The following ATP2C1 variants were observed in gnomAD, a reference collection of about 807,000 sequenced individuals.
ATP2C1 encodes the protein calcium-transporting ATPase type 2C member 1.
In ATP2C1, 31 loss-of-function variants were observed where a neutral mutation model predicts 120.5. The observed-to-expected ratio is 0.26, with a 90% CI of 0.19 to 0.35. ATP2C1 has a LOEUF of 0.35. Ranked by LOEUF, ATP2C1 falls within the 10% of genes least tolerant of loss-of-function variation. The pLI is 1.00. For missense variants in ATP2C1, 731 were observed against 1,107.5 expected, an observed-to-expected ratio of 0.66 and a Z score of 4.83; for synonymous variants, 351 against 358.7, an observed-to-expected ratio of 0.98 and a Z score of 0.24.
chr3:130,868,121 G>C (rs1188722283), intron 1 of ATP2C1: 2 of 151,254 alleles, frequency 1.3e-5, no homozygotes, highest in African/African-American at 2.5e-5. Context: ...GAGGGAGGTG[G>C]GGGGGCTCAG....
intron 20 of ATP2C1, among the ~76,000 whole-genome samples, chr3:130,989,247 C>A (rs1186899871): frequency 9.0e-4 from 110 of 121,904 alleles, no homozygotes; most frequent in Middle Eastern, 0.01. Flanking sequence ...AAATCCATCT[C>A]AAAAAAAAAA....
intron 8 of ATP2C1, among the ~76,000 whole-genome samples, chr3:130,948,084 G>T (rs1411606213): frequency 1.3e-5 from 2 of 152,088 alleles, no homozygotes; most frequent in South Asian, 2.1e-4. Context: ...GCAAACACAG[G>T]AGTCACGAAC....
intron 2 of ATP2C1, among the ~76,000 whole-genome samples, chr3:130,924,048 G>A (rs1054444725): frequency 1.3e-5 from 2 of 151,834 alleles, no homozygotes; most frequent in Non-Finnish European, 2.9e-5. Context: ...TTTAAGTGGA[G>A]TATTTAGGCC....
At chr3:131,013,989 A>G (rs2063448647) in intron 26 of ATP2C1, 1 of 1,164,720 alleles carries the variant, frequency 8.6e-7, no homozygotes, top group Admixed American at 2.4e-5. Flanking sequence ...AATTGTTTCA[A>G]GGGTGGTAAC....
chr3:130,940,905 A>ATTTTTTTTTTTT lies in ATP2C1; in HGVS notation c.422+231_422+242dup, dbSNP rs749879416. On this transcript the variant is annotated intron_variant, in intron 7 of 27. Transcript: ENST00000510168. ...CTAGAGACATGGATGTATTTAACAG[A>ATTTTTTTTTTTT]TTTTTTTTTTTTTTTTTTTTTTTTT... 3.5e-5 allele frequency among the ~76,000 whole-genome samples: 3 copies of ATTTTTTTTTTTT among 86,114 alleles called. 1 individual carries two copies. Among genetic ancestry groups the ATTTTTTTTTTTT allele is most frequent in the Non-Finnish European group, 6.7e-5 (3 of 45,036 alleles). 56.5% of individuals were successfully genotyped at this position (86,114 alleles called of 152,430 possible).
In ATP2C1 at chr3:130,911,638, G is replaced by C. The variant is rs567900577; in HGVS notation, c.6+16863G>C. Among the ~76,000 whole-genome samples the C allele has an allele frequency of 1.9e-3, 292 of 152,218 alleles. 1 individual carries two copies. Among genetic ancestry groups the C allele is most frequent in the Non-Finnish European group, 3.5e-3 (236 of 68,020 alleles). ...AATGGAAGAACATTCCATGCTCATG[G>C]GTAGGAAGAATCAATATTGTGAAAA... On this transcript the variant is annotated intron_variant, in intron 2 of 27. Transcript: ENST00000510168.
chr3:130,977,941 G>A (rs1252745924), intron 18 of ATP2C1, among the ~76,000 whole-genome samples: 1 of 152,040 alleles, frequency 6.6e-6, no homozygotes, highest in African/African-American at 2.4e-5. Flanking sequence ...TATGTCAGGG[G>A]CTCTCCACAT....
At chr3:130,948,957 C>T (rs915298980) in intron 8 of ATP2C1, among the ~76,000 whole-genome samples, 5 of 152,044 alleles carry the variant, frequency 3.3e-5, no homozygotes, top group South Asian at 2.1e-4. Flanking sequence ...GTAAATGTTG[C>T]GTGTTTTCTA....
chr3:130,905,716 T>G (rs2058089896), intron 2 of ATP2C1, among the ~76,000 whole-genome samples: 1 of 152,112 alleles, frequency 6.6e-6, no homozygotes, highest in Non-Finnish European at 1.5e-5. Context: ...ACAGTATCCC[T>G]CTCCCATTTA....
exon 1 of ATP2C1, chr3:130,850,880 A>C (rs1328588399): frequency 6.3e-6 from 9 of 1,429,014 alleles, no homozygotes; most frequent in Admixed American, 2.7e-5. Flanking sequence ...CTCTCCATGC[A>C]ATTAGGAGAT....
chr3:130,853,632 A>G (rs1166131990), intron 1 of ATP2C1, among the ~76,000 whole-genome samples: 1 of 152,240 alleles, frequency 6.6e-6, no homozygotes, highest in African/African-American at 2.4e-5. Flanking sequence ...AAATGGGCTC[A>G]GTGAAAAGCT....
chr3:130,888,105 A>G (rs2069039695), intron 1 of ATP2C1, among the ~76,000 whole-genome samples: 1 of 152,164 alleles, frequency 6.6e-6, no homozygotes, highest in Non-Finnish European at 1.5e-5. Context: ...CTTTTGGCCC[A>G]TGGTGTGTCT....
intron 8 of ATP2C1, among the ~76,000 whole-genome samples, chr3:130,948,595 A>G (rs747913205): frequency 6.6e-6 from 1 of 152,022 alleles, no homozygotes; most frequent in Non-Finnish European, 1.5e-5. Flanking sequence ...AAGTTGGGGA[A>G]GTTTTCAGCC....
rs114882047 is a variant in ATP2C1, at chr3:130,967,870, G to A, written c.1308+451G>A. On this transcript the variant is annotated intron_variant, in intron 16 of 27. Transcript: ENST00000510168. ...CTCTCCTTTGTTAATTTCTCAAAAT[G>A]ATTGTGAAGTTATAATTTGTTTTGG... Among the ~76,000 whole-genome samples, 1,257 of 152,212 alleles carry A rather than the reference G, an allele frequency of 8.3e-3. 16 individuals carry two copies. Among genetic ancestry groups the A allele is most frequent in the African/African-American group, 0.029 (1,193 of 41,528 alleles).
chr3:130,864,982 A>C (rs1175920236), intron 1 of ATP2C1, among the ~76,000 whole-genome samples: 1 of 151,984 alleles, frequency 6.6e-6, no homozygotes, highest in Non-Finnish European at 1.5e-5. Context: ...CATCCTCCAG[A>C]CCCCAGAATG....
chr3:130,958,378 T>A (rs1263181442), intron 11 of ATP2C1, among the ~76,000 whole-genome samples: 1 of 152,196 alleles, frequency 6.6e-6, no homozygotes, highest in African/African-American at 2.4e-5. Context: ...AAATTTCATT[T>A]ACCTAAGCAG....
At chr3:130,883,816 C>T (rs1338482600) in intron 1 of ATP2C1, among the ~76,000 whole-genome samples, 1 of 152,102 alleles carries the variant, frequency 6.6e-6, no homozygotes, top group South Asian at 2.1e-4. Context: ...GTAGTTATAG[C>T]TATAAACTTC....
intron 1 of ATP2C1, among the ~76,000 whole-genome samples, chr3:130,859,710 G>A (rs1055594775): frequency 6.6e-6 from 1 of 152,002 alleles, no homozygotes; most frequent in African/African-American, 2.4e-5. Context: ...CTGGACCCTG[G>A]GTTGATTTCT....
At chr3:130,947,342 A>G (rs962105260) in intron 8 of ATP2C1, among the ~76,000 whole-genome samples, 1 of 152,178 alleles carries the variant, frequency 6.6e-6, no homozygotes, top group African/African-American at 2.4e-5. Flanking sequence ...AGTGGTTTTC[A>G]GTATATTCAC....
Sources: gnomAD v4.1 joint callset for allele counts (sites outside exome capture counted in the v4.1 genomes callset) on GRCh38, gnomAD v4.1.1 for gene constraint, MANE v1.5 for transcripts, NCBI Gene and HGNC (gene_info 2026-07-23, HGNC 2026-07-21) for gene names.